The following RALGPS2 variants were observed in gnomAD, a reference collection of about 807,000 sequenced individuals.
RALGPS2 encodes the protein Ral GEF with PH domain and SH3 binding motif 2.
A neutral mutation model predicts 86.8 loss-of-function variants in RALGPS2; 43 were observed. The observed-to-expected ratio is 0.50, with a 90% CI of 0.39 to 0.64. RALGPS2 has a LOEUF of 0.64. Among genes scored for constraint, RALGPS2 ranks in the 30% least tolerant of loss-of-function variants. RALGPS2 has a pLI of 0.00. For missense variants in RALGPS2, 536 were observed against 694.6 expected (o/e 0.77, Z 2.57); for synonymous variants, 243 against 231.3 (o/e 1.05, Z -0.46).
Position 178,800,185 on chromosome 1 carries a change from A to G in RALGPS2, c.214-7860A>G, listed in dbSNP as rs116167213. Reference sequence around the variant, plus strand: ...AAAACAAATTGACATTAGACAGTCCAGCAGAAGAGTTCTAGTGATTCAAGA... The same window carrying G: ...AAAACAAATTGACATTAGACAGTCCGGCAGAAGAGTTCTAGTGATTCAAGA... On this transcript the variant is annotated intron_variant, in intron 4 of 19. Coordinates refer to ENST00000367635, the MANE Select transcript of RALGPS2 (RefSeq NM_152663.5). 3.7e-3 allele frequency among the ~76,000 whole-genome samples: 562 copies of G among 152,338 alleles called. 5 individuals are homozygous for G. The highest frequency in any genetic ancestry group is 0.012 in the African/African-American group (507 of 41,574).
intron 19 of RALGPS2, among the ~76,000 whole-genome samples, chr1:178,907,352 TA>T (rs1660431904): frequency 1.3e-5 from 2 of 152,164 alleles, no homozygotes. Context: ...CTCTAAAGGG[TA>T]AAAATTAGAT....
chr1:178,835,183 A>G (rs1656214020), intron 8 of RALGPS2, among the ~76,000 whole-genome samples: 1 of 152,232 alleles, frequency 6.6e-6, no homozygotes. Context: ...TTCACAATTC[A>G]GAAGAATGTG....
chr1:178,851,561 T>A (rs1388980514), intron 8 of RALGPS2, among the ~76,000 whole-genome samples: 1 of 152,142 alleles, frequency 6.6e-6, no homozygotes, highest in Non-Finnish European at 1.5e-5. Flanking sequence ...AAAGGGGGAT[T>A]TAATTTTCTA....
chr1:178,731,200 GAT>G (rs1445624754), intron 1 of RALGPS2, among the ~76,000 whole-genome samples: 1 of 150,824 alleles, frequency 6.6e-6, no homozygotes, highest in Non-Finnish European at 1.5e-5. Flanking sequence ...ATATGGCAGG[GAT>G]AGGTATAGAA....
intron 8 of RALGPS2, among the ~76,000 whole-genome samples, chr1:178,872,184 G>A (rs1031858777): frequency 2.0e-5 from 3 of 152,124 alleles, no homozygotes; most frequent in Non-Finnish European, 4.4e-5. Flanking sequence ...GCTGTAGCTT[G>A]TGCTGTGTTT....
chr1:178,851,265 T>C (rs767288391), intron 8 of RALGPS2: 9 of 1,613,842 alleles, frequency 5.6e-6, no homozygotes, highest in Non-Finnish European at 7.6e-6. Context: ...TAGGTTAGAA[T>C]GTGCACAGGC....
chr1:178,747,394 C>T, intron 1 of RALGPS2: 1 of 1,537,760 alleles, frequency 6.5e-7, no homozygotes. Context: ...TATAATACGA[C>T]TTCACATCTT....
At chr1:178,858,607 A>C (rs1192020427) in intron 8 of RALGPS2, among the ~76,000 whole-genome samples, 1 of 152,194 alleles carries the variant, frequency 6.6e-6, no homozygotes, top group East Asian at 1.9e-4. Flanking sequence ...TTGAAGAACC[A>C]GTCTCTCTGT....
At chr1:178,781,565 A>C (rs1008258194) in intron 2 of RALGPS2, among the ~76,000 whole-genome samples, 2 of 152,204 alleles carry the variant, frequency 1.3e-5, no homozygotes, top group African/African-American at 4.8e-5. Context: ...AAGCATGTCA[A>C]AATGCACACT....
chr1:178,776,934 C>A (rs1653116526), intron 2 of RALGPS2, 113 bp downstream of exon 2: 1 of 767,812 alleles, frequency 1.3e-6, no homozygotes, highest in Admixed American at 3.0e-5. Flanking sequence ...CAGAAATACA[C>A]ATTTCCTTTT....
chr1:178,833,411 G>A lies in RALGPS2; in HGVS notation c.481-13G>A. 1 of 1,493,122 alleles carries A rather than the reference G, an allele frequency of 6.7e-7. No individual in the cohort carries two copies. The highest frequency in any genetic ancestry group is 8.8e-7 in the Non-Finnish European group (1 of 1,133,352). The allele number at this position is 1,493,122 out of a possible 1,614,324, so 92.5% of individuals were successfully genotyped here. A position where few individuals can be genotyped will look rare whatever the true frequency, so the allele number is the denominator to read the frequency against. On this transcript the variant is annotated splice_polypyrimidine_tract_variant and intron_variant, in intron 7 of 19. Coordinates refer to ENST00000367635, the MANE Select transcript of RALGPS2 (RefSeq NM_152663.5). Reference sequence around the variant, plus strand: ...ATTTGTAAATAACTTAGGTTTTTCTGTTTGTTTTTTAGTTATTAAGTCGAA... The same window carrying A: ...ATTTGTAAATAACTTAGGTTTTTCTATTTGTTTTTTAGTTATTAAGTCGAA...
At chr1:178,736,810 A>G (rs895353444) in intron 1 of RALGPS2, among the ~76,000 whole-genome samples, 4 of 152,076 alleles carry the variant, frequency 2.6e-5, no homozygotes, top group Admixed American at 6.6e-5. Flanking sequence ...CTGAGGCTGG[A>G]GAATTGGAGT....
intron 1 of RALGPS2, among the ~76,000 whole-genome samples, chr1:178,737,402 C>T (rs1349700312): frequency 3.9e-5 from 6 of 152,116 alleles, no homozygotes; most frequent in African/African-American, 1.2e-4. Context: ...CCTGCCACCA[C>T]GCCTGGCTAA....
intron 8 of RALGPS2, chr1:178,870,805 C>G (rs951611060): frequency 7.2e-5 from 11 of 152,100 alleles, no homozygotes; most frequent in African/African-American, 2.4e-4. Context: ...TTTTAAAAAT[C>G]AGTGTAGAAG....
intron 1 of RALGPS2, among the ~76,000 whole-genome samples, chr1:178,776,392 T>C (rs780118686): frequency 2.6e-5 from 4 of 152,208 alleles, no homozygotes; most frequent in Non-Finnish European, 5.9e-5. Flanking sequence ...TTAAGAAAGT[T>C]GTACATTTGA....
intron 8 of RALGPS2, among the ~76,000 whole-genome samples, chr1:178,839,732 G>C (rs971500842): frequency 7.2e-5 from 11 of 152,254 alleles, no homozygotes; most frequent in East Asian, 3.9e-4. Context: ...GATAAAGAGT[G>C]AAGACCCATC....
At chr1:178,838,605 C>T (rs1259450206) in intron 8 of RALGPS2, among the ~76,000 whole-genome samples, 1 of 152,294 alleles carries the variant, frequency 6.6e-6, no homozygotes, top group East Asian at 1.9e-4. Context: ...TTCTAAAAAT[C>T]AGAGCACCTC....
intron 8 of RALGPS2, among the ~76,000 whole-genome samples, chr1:178,845,315 AT>A (rs1656818235): frequency 6.6e-6 from 1 of 151,924 alleles, no homozygotes; most frequent in Non-Finnish European, 1.5e-5. Flanking sequence ...TCCCCATTTA[AT>A]TTTTAATTTA....
At chr1:178,764,992 GCT>G (rs1359679174) in intron 1 of RALGPS2, among the ~76,000 whole-genome samples, 1 of 151,932 alleles carries the variant, frequency 6.6e-6, no homozygotes, top group African/African-American at 2.4e-5. Context: ...CCCACTTTGT[GCT>G]CTCTCTCTCC....
Sources: allele counts gnomAD v4.1 joint callset (sites outside exome capture counted in the v4.1 genomes callset), GRCh38; gene constraint gnomAD v4.1.1; transcripts MANE v1.5; gene names NCBI Gene and HGNC (gene_info 2026-07-23, HGNC 2026-07-21).